Variants in FBXL13 observed in about 807,000 individuals in gnomAD.
FBXL13 encodes the protein F-box and leucine-rich repeat protein 13.
A neutral mutation model predicts 83.6 loss-of-function variants in FBXL13; 67 were observed. The ratio of observed to expected loss-of-function variants is 0.80; its 90% CI spans 0.66 to 0.98. The LOEUF (loss-of-function observed/expected upper bound fraction) is 0.98. Ranked by LOEUF, FBXL13 falls within the 50% of genes least tolerant of loss-of-function variation. The pLI, the probability that FBXL13 is intolerant of heterozygous loss-of-function variation, is 0.00. For synonymous variants in FBXL13, 272 were observed against 299.5 expected (o/e 0.91, Z 0.95); for missense variants, 822 against 866.5 (o/e 0.95, Z 0.64).
chr7:102,884,510 A>T lies in FBXL13; in HGVS notation c.1009-198T>A, dbSNP rs142918374. Among the ~76,000 whole-genome samples, 475 of 152,262 alleles carry T rather than the reference A, an allele frequency of 3.1e-3. 3 individuals carry two copies. Among genetic ancestry groups the T allele is most frequent in the African/African-American group, 0.011 (454 of 41,524 alleles). ...TTTTTTATCGAGGTAAAATTTATAT[A>T]ACATAAAATAAGCCATGTAAGCCAG... is the stretch of plus-strand genomic sequence containing the variant. On this transcript the variant is annotated intron_variant, in intron 11 of 19. Coordinates refer to ENST00000313221, the Ensembl canonical transcript of FBXL13.
intron 10 of FBXL13, among the ~76,000 whole-genome samples, chr7:102,916,928 A>G (rs847650): frequency 0.02 from 3,108 of 152,070 alleles, 130 homozygotes; most frequent in African/African-American, 0.071. Flanking sequence ...TTTTTCCATT[A>G]AAGAATTGAA....
At chr7:102,932,666 C>T (rs1374920190) in intron 8 of FBXL13, among the ~76,000 whole-genome samples, 1 of 91,122 alleles carries the variant, frequency 1.1e-5, no homozygotes, top group Non-Finnish European at 2.5e-5. Context: ...ACCATGTTGG[C>T]TCACTGCAGC....
chr7:102,967,072 C>T (rs985506496), intron 7 of FBXL13, among the ~76,000 whole-genome samples: 3 of 151,916 alleles, frequency 2.0e-5, no homozygotes, highest in Non-Finnish European at 2.9e-5. Flanking sequence ...CGGGTTCAAG[C>T]GATTCTCCTG....
chr7:102,884,686 A>G (rs1201055750), intron 11 of FBXL13, among the ~76,000 whole-genome samples: 3 of 152,280 alleles, frequency 2.0e-5, no homozygotes, highest in African/African-American at 4.8e-5. Context: ...AACCACTTAC[A>G]TAAGTTATTT....
rs1420294279 is a variant in FBXL13, at chr7:103,000,757, C to T, written c.495+24306G>A. Among the ~76,000 whole-genome samples, 3 of 152,172 alleles carry T rather than the reference C, an allele frequency of 2.0e-5. No individual in the cohort carries two copies. The East Asian group carries it at 5.8e-4, about 29-fold the overall frequency. ...ATCTATTAATGTTTGCTTTACATAT[C>T]TGAATGCTCCAATATTGGATGCACA... On this transcript the variant is annotated intron_variant, in intron 6 of 19. Transcript: ENST00000313221.
At chr7:102,982,375 A>C (rs1828354178) in intron 6 of FBXL13, among the ~76,000 whole-genome samples, 1 of 152,146 alleles carries the variant, frequency 6.6e-6, no homozygotes, top group Admixed American at 6.5e-5. Flanking sequence ...CCTGGACCCA[A>C]GAATCTTGAC....
chr7:102,883,432 T>C, exon 14 of FBXL13: 1 of 1,613,206 alleles, frequency 6.2e-7, no homozygotes. Flanking sequence ...TTCTTGTCTA[T>C]AAATTTGAAG....
At chr7:103,073,357 C>A (rs1356581371) in intron 1 of FBXL13, among the ~76,000 whole-genome samples, 1 of 152,064 alleles carries the variant, frequency 6.6e-6, no homozygotes, top group African/African-American at 2.4e-5. Context: ...GTGGTGTATG[C>A]CTGTAGTCCT....
At chr7:102,925,757 C>T (rs1184837791) in intron 10 of FBXL13, among the ~76,000 whole-genome samples, 1 of 151,936 alleles carries the variant, frequency 6.6e-6, no homozygotes, top group African/African-American at 2.4e-5. Context: ...GCCTGACCAA[C>T]ATGGAGAAAC....
chr7:103,070,982 A>G (rs1274814672), intron 1 of FBXL13, among the ~76,000 whole-genome samples: 1 of 152,256 alleles, frequency 6.6e-6, no homozygotes, highest in East Asian at 1.9e-4. Flanking sequence ...AAAGATGCAT[A>G]ATTCTAATAA....
intron 17 of FBXL13, among the ~76,000 whole-genome samples, chr7:102,854,269 A>G (rs1380475264): frequency 6.6e-6 from 1 of 152,166 alleles, no homozygotes; most frequent in East Asian, 1.9e-4. Flanking sequence ...ACTATCACAA[A>G]AACAAAAAAC....
intron 4 of FBXL13, among the ~76,000 whole-genome samples, chr7:103,027,957 C>T (rs1423119946): frequency 1.3e-5 from 2 of 152,140 alleles, no homozygotes; most frequent in East Asian, 3.9e-4. Flanking sequence ...CCTAACCCTT[C>T]GTTACACTAA....
chr7:103,028,761 G>A lies in FBXL13; in HGVS notation c.69-13C>T. ...GTCTCTCCAAGTGCTGCAGGCAGAAGACATTTTTTAAAAAATAATATTTTG... is the reference window on the plus strand; with the variant it reads ...GTCTCTCCAAGTGCTGCAGGCAGAAAACATTTTTTAAAAAATAATATTTTG... On this transcript the variant is annotated splice_polypyrimidine_tract_variant and intron_variant, in intron 3 of 19. Coordinates refer to ENST00000313221, the Ensembl canonical transcript of FBXL13. The A allele has an allele frequency of 6.5e-7, 1 of 1,533,684 alleles. No individual in the cohort carries two copies. Among genetic ancestry groups the A allele is most frequent in the South Asian group, 1.3e-5 (1 of 74,460 alleles).
At chr7:103,027,276 A>G (rs952807049) in intron 5 of FBXL13, among the ~76,000 whole-genome samples, 173 bp downstream of exon 6, 2 of 152,194 alleles carry the variant, frequency 1.3e-5, no homozygotes, top group African/African-American at 4.8e-5. Context: ...AGCCTGGACA[A>G]CAAGAGCAAA....
intron 8 of FBXL13, among the ~76,000 whole-genome samples, chr7:102,932,155 G>C (rs1819303899): frequency 1.3e-5 from 2 of 152,180 alleles, no homozygotes. Flanking sequence ...GATTATAGGA[G>C]TAAGGGGAAA....
At chr7:103,030,574 T>G (rs1164500879) in intron 2 of FBXL13, among the ~76,000 whole-genome samples, 2 of 152,210 alleles carry the variant, frequency 1.3e-5, no homozygotes, top group Non-Finnish European at 2.9e-5. Context: ...TTTCATGAGC[T>G]TAATTCTTTT....
chr7:102,920,745 A>C (rs1816809201), intron 10 of FBXL13, among the ~76,000 whole-genome samples: 1 of 152,240 alleles, frequency 6.6e-6, no homozygotes, highest in South Asian at 2.1e-4. Flanking sequence ...TACATGCTAC[A>C]TATAAAAGAT....
At chr7:103,022,505 T>G (rs1451664628) in intron 6 of FBXL13, among the ~76,000 whole-genome samples, 1 of 148,574 alleles carries the variant, frequency 6.7e-6, no homozygotes, top group African/African-American at 2.5e-5. Flanking sequence ...TATAGACTAA[T>G]GGAACAGAAT....
At chr7:102,942,454 G>A in intron 8 of FBXL13, 1 of 848,986 alleles carries the variant, frequency 1.2e-6, no homozygotes, top group South Asian at 2.6e-5. Flanking sequence ...CTACTAGGGG[G>A]TTTTTACCTC....
Sources: allele counts gnomAD v4.1 joint callset (sites outside exome capture counted in the v4.1 genomes callset), GRCh38; gene constraint gnomAD v4.1.1; transcripts MANE v1.5; gene names NCBI Gene and HGNC (gene_info 2026-07-23, HGNC 2026-07-21).